Variants in SEMA6D observed in about 807,000 individuals in gnomAD.
The protein encoded by SEMA6D is semaphorin 6D, also known as semaphorin-6D.
SEMA6D carries 35 observed loss-of-function variants against 106.6 expected under a neutral mutation model. The observed-to-expected ratio is 0.33, with a 90% confidence interval of 0.25 to 0.44. The LOEUF (loss-of-function observed/expected upper bound fraction) is 0.44. Ranked by LOEUF, SEMA6D falls within the 20% of genes least tolerant of loss-of-function variation. The pLI is 1.00. For missense variants in SEMA6D, 1,185 were observed against 1,345.9 expected (o/e 0.88, Z 1.87); for synonymous variants, 499 against 487.7 (o/e 1.02, Z -0.31).
At chr15:47,644,482 G>A (rs2077544993) in intron 4 of SEMA6D, among the ~76,000 whole-genome samples, 1 of 152,222 alleles carries the variant, frequency 6.6e-6, no homozygotes, top group African/African-American at 2.4e-5. Flanking sequence ...CCCTCAAAAT[G>A]TAGGTGCTGC....
intron 4 of SEMA6D, among the ~76,000 whole-genome samples, chr15:47,671,408 A>G (rs1467243704): frequency 6.6e-6 from 1 of 152,212 alleles, no homozygotes; most frequent in Admixed American, 6.5e-5. Flanking sequence ...AATCAACATA[A>G]TGAGAAAGCC....
At chr15:47,213,772 G>A (rs1224989464) in intron 1 of SEMA6D, among the ~76,000 whole-genome samples, 1 of 152,120 alleles carries the variant, frequency 6.6e-6, no homozygotes, top group African/African-American at 2.4e-5. Context: ...GTAGCAGAAG[G>A]TCTTAACCAC....
rs1566882284 is a variant in SEMA6D at position 47,552,805 on chromosome 15, A to AT, written c.-86-48060_-86-48059insT. 7.2e-3 allele frequency among the ~76,000 whole-genome samples: 49 copies of AT among 6,776 alleles called. 3 individuals carry two copies. The highest frequency in any genetic ancestry group is 0.017 in the South Asian group (4 of 230). 4.4% of individuals were successfully genotyped at this position (6,776 alleles called of 152,430 possible). On this transcript the variant is annotated intron_variant, in intron 3 of 19. Transcript: ENST00000558014. ...TTATATATATTTTTATATATATATA[A>AT]AAATATATATAAATATATATATTTT...
intron 2 of SEMA6D, among the ~76,000 whole-genome samples, chr15:47,449,274 T>C (rs1012163237): frequency 6.6e-6 from 1 of 152,090 alleles, no homozygotes; most frequent in African/African-American, 2.4e-5. Flanking sequence ...AAAATAAATA[T>C]ACAGTACTGA....
intron 3 of SEMA6D, among the ~76,000 whole-genome samples, chr15:47,597,148 C>T (rs1287609588): frequency 6.6e-6 from 1 of 151,990 alleles, no homozygotes; most frequent in Non-Finnish European, 1.5e-5. Flanking sequence ...CATCTGTAAT[C>T]ATTAGGGAAA....
At chr15:47,350,226 A>T (rs943572945) in intron 1 of SEMA6D, among the ~76,000 whole-genome samples, 6 of 130,870 alleles carry the variant, frequency 4.6e-5, no homozygotes. Context: ...ATTGTTGTCA[A>T]ACCTGCTCTG....
chr15:47,400,997 T>A (rs2040380235), intron 1 of SEMA6D, among the ~76,000 whole-genome samples: 1 of 152,208 alleles, frequency 6.6e-6, no homozygotes, highest in Non-Finnish European at 1.5e-5. Context: ...ATTAGTAGTG[T>A]AACAAATTAT....
intron 1 of SEMA6D, among the ~76,000 whole-genome samples, chr15:47,283,894 C>G (rs1382162599): frequency 1.3e-5 from 2 of 152,164 alleles, no homozygotes; most frequent in Non-Finnish European, 2.9e-5. Flanking sequence ...CCGCTGTTGC[C>G]CATACCTTAC....
chr15:47,606,640 A>T (rs1276036306), intron 4 of SEMA6D, among the ~76,000 whole-genome samples: 1 of 152,214 alleles, frequency 6.6e-6, no homozygotes, highest in African/African-American at 2.4e-5. Context: ...GGCTGGCTAC[A>T]CATCCACCAT....
At chr15:47,334,494 G>A (rs2037473707) in intron 1 of SEMA6D, among the ~76,000 whole-genome samples, 1 of 152,126 alleles carries the variant, frequency 6.6e-6, no homozygotes, top group African/African-American at 2.4e-5. Flanking sequence ...GTGTCAGATT[G>A]AATTCAAGGA....
chr15:47,336,171 G>A (rs1395881870), intron 1 of SEMA6D, among the ~76,000 whole-genome samples: 1 of 152,130 alleles, frequency 6.6e-6, no homozygotes, highest in East Asian at 1.9e-4. Context: ...TTATGAAGTT[G>A]GTATATTTCA....
chr15:47,672,380 A>C (rs1041773341), intron 4 of SEMA6D, among the ~76,000 whole-genome samples: 1 of 152,210 alleles, frequency 6.6e-6, no homozygotes, highest in Admixed American at 6.5e-5. Context: ...CGGAATATCT[A>C]ATCTTCTGTT....
At chr15:47,514,408 T>C (rs532960619) in intron 3 of SEMA6D, among the ~76,000 whole-genome samples, 1 of 152,198 alleles carries the variant, frequency 6.6e-6, no homozygotes, top group African/African-American at 2.4e-5. Flanking sequence ...TTCCAAATTT[T>C]GCCTCCTTAA....
chr15:47,714,933 T>G (rs2079083351), upstream of SEMA6D, among the ~76,000 whole-genome samples: 1 of 152,204 alleles, frequency 6.6e-6, no homozygotes, highest in Non-Finnish European at 1.5e-5. Context: ...TAAATAGAGA[T>G]TGCTGCTGTT....
At chr15:47,319,124 A>C (rs1376277889) in intron 1 of SEMA6D, among the ~76,000 whole-genome samples, 1 of 152,110 alleles carries the variant, frequency 6.6e-6, no homozygotes, top group Admixed American at 6.5e-5. Context: ...TGTCCAGCCT[A>C]CTAGTAAGCC....
chr15:47,555,061 A>G (rs1462096598), intron 3 of SEMA6D, among the ~76,000 whole-genome samples: 3 of 152,184 alleles, frequency 2.0e-5, no homozygotes, highest in Non-Finnish European at 2.9e-5. Flanking sequence ...TAAATCCCTA[A>G]TATGTTCAGA....
chr15:47,377,160 T>C (rs934100030), intron 1 of SEMA6D, among the ~76,000 whole-genome samples: 11 of 152,216 alleles, frequency 7.2e-5, no homozygotes, highest in African/African-American at 2.7e-4. Context: ...AGCAAATTAA[T>C]AATAAAATCT....
intron 1 of SEMA6D, among the ~76,000 whole-genome samples, chr15:47,205,231 A>G (rs563395600): frequency 2.0e-5 from 3 of 152,300 alleles, no homozygotes; most frequent in African/African-American, 7.2e-5. Flanking sequence ...CTAAGGAAAA[A>G]TAATGAACTA....
intron 3 of SEMA6D, among the ~76,000 whole-genome samples, chr15:47,563,875 A>G (rs566199215): frequency 6.6e-6 from 1 of 152,312 alleles, no homozygotes; most frequent in African/African-American, 2.4e-5. Flanking sequence ...TCTTCGGCCA[A>G]TGTCCTGTGG....
Sources: allele counts gnomAD v4.1 joint callset (sites outside exome capture counted in the v4.1 genomes callset), GRCh38; gene constraint gnomAD v4.1.1; transcripts MANE v1.5; gene names NCBI Gene and HGNC (gene_info 2026-07-23, HGNC 2026-07-21).